PLEKHA7: variants seen among roughly 807,000 people sequenced by gnomAD.
The protein encoded by PLEKHA7 is pleckstrin homology domain-containing family A member 7.
A neutral mutation model predicts 170.0 loss-of-function variants in PLEKHA7; 104 were observed. The ratio of observed to expected loss-of-function variants is 0.61; its 90% confidence interval spans 0.52 to 0.72. PLEKHA7 has a LOEUF of 0.72. PLEKHA7 is among the 30% of genes least tolerant of loss of function. PLEKHA7 has a pLI of 0.00. For synonymous variants in PLEKHA7, 648 were observed against 660.8 expected (o/e 0.98, Z 0.30); for missense variants, 1,615 against 1,671.7 (o/e 0.97, Z 0.59).
At chr11:16,782,969 T>C in intron 25 of PLEKHA7, 73 bp from the exon 26 acceptor site, 1 of 1,472,568 alleles carries the variant, frequency 6.8e-7, no homozygotes, top group Non-Finnish European at 9.1e-7. Flanking sequence ...AGGGTCTCCC[T>C]GGCCTAGAGG....
chr11:16,888,875 TA>T (rs1321840933), intron 3 of PLEKHA7, among the ~76,000 whole-genome samples: 106 of 31,306 alleles, frequency 3.4e-3, no homozygotes, highest in African/African-American at 0.014. Context: ...TTAAAAAAAT[TA>T]AAAAAAACAA....
At chr11:16,856,307 T>C (rs529032264) in intron 4 of PLEKHA7, among the ~76,000 whole-genome samples, 2 of 152,278 alleles carry the variant, frequency 1.3e-5, no homozygotes. Flanking sequence ...CACACCTCCA[T>C]TTCCCTGGCT....
chr11:16,826,338 C>A lies in PLEKHA7; in HGVS notation c.1125G>T (p.Met375Ile), dbSNP rs755377914. The change falls in exon 10 of 27, where the codon ATG becomes ATT. Residue 375 changes from methionine (M) to isoleucine (I), a missense_variant. Physicochemically the swap from Met to Ile is conservative, Grantham distance 10. Transcript: ENST00000531066. The stretch of plus-strand genomic sequence containing the variant: ...GGCCTCTTGGGCCAGTGGGTAAATC[C>A]ATAAACAAGGCATCCTCCTCGGCTG... Reference protein sequence around the residue: ...YSPAEEDALFMDLPTGPRGQQ... With the variant: ...YSPAEEDALFIDLPTGPRGQQ... 9 of 1,614,108 alleles carry A rather than the reference C, an allele frequency of 5.6e-6. No individual in the cohort carries two copies. The highest frequency in any genetic ancestry group is 7.6e-6 in the Non-Finnish European group (9 of 1,180,054).
chr11:16,801,641 G>A (rs768237942), intron 16 of PLEKHA7, 27 bp downstream of exon 16: 1 of 1,613,416 alleles, frequency 6.2e-7, no homozygotes, highest in South Asian at 1.1e-5. Context: ...CGTCCTGAGG[G>A]AGACAGGTCT....
intron 3 of PLEKHA7, among the ~76,000 whole-genome samples, chr11:16,981,477 C>T (rs1352671765): frequency 6.6e-6 from 1 of 152,080 alleles, no homozygotes; most frequent in African/African-American, 2.4e-5. Context: ...TGCTCTTCAC[C>T]CCTCAGTGAT....
rs1386077523 is a variant in PLEKHA7, at chr11:16,803,253, C to A, written c.2050G>T (p.Val684Leu). 6.2e-7 allele frequency: 1 copy of A among 1,614,136 alleles called. No homozygotes were observed. The highest frequency in any genetic ancestry group is 1.1e-5 in the South Asian group (1 of 91,088). Residue 684 changes from valine to leucine, a missense_variant, in exon 14 of 27, where the codon GTG (valine) becomes TTG (leucine). Val to Leu is a conservative substitution (Grantham distance 32). Transcript: ENST00000531066. ...TCAGTGTCGCTCTCAGCGATCTTCA[C>A]AGGCTTCAGACTTCGATCCTTGAGA... is the stretch of plus-strand genomic sequence containing the variant. ...DLLKDRSLKPVKIAESDTDVK... is the reference protein window; with the variant it reads ...DLLKDRSLKPLKIAESDTDVK...
intron 3 of PLEKHA7, among the ~76,000 whole-genome samples, chr11:16,889,412 A>ATATATATAT (rs1459889235): frequency 4.3e-5 from 5 of 115,488 alleles, no homozygotes; most frequent in African/African-American, 1.9e-4. Flanking sequence ...AAAAAAAAAA[A>ATATATATAT]AAAAAAAAAT....
intron 3 of PLEKHA7, among the ~76,000 whole-genome samples, chr11:16,883,842 C>T (rs1855880913): frequency 1.3e-5 from 2 of 152,200 alleles, no homozygotes; most frequent in Non-Finnish European, 2.9e-5. Context: ...TATTTAAGTA[C>T]TGCATGCTAC....
rs1409283099 is a variant in PLEKHA7 at position 16,801,031 on chromosome 11, A to G, written c.2352T>C (p.Asp784=). 4 of 1,614,260 alleles carry G rather than the reference A, an allele frequency of 2.5e-6. No individual in the cohort carries two copies. The highest frequency in any genetic ancestry group is 2.2e-5 in the East Asian group (1 of 44,888). The change falls in exon 17 of 27, where the codon GAT becomes GAC. Residue 784 remains aspartate, a synonymous_variant. Transcript: ENST00000531066. ...GCAGGGTCTGCTTCAGCTGTTCCAC[A>G]TCATTCTCCAACTTCAGGTATTCGT... ...AWNEYLKLEN[D]VEQLKQTLQE...
At chr11:16,807,077 T>C in intron 13 of PLEKHA7, 11 of 778,738 alleles carry the variant, frequency 1.4e-5, no homozygotes, top group Non-Finnish European at 1.7e-5. Flanking sequence ...AAGCAAGTGA[T>C]GAAGTCGGCA....
At chr11:16,961,418 T>C (rs966369912) in intron 3 of PLEKHA7, among the ~76,000 whole-genome samples, 2 of 152,210 alleles carry the variant, frequency 1.3e-5, no homozygotes, top group Non-Finnish European at 2.9e-5. Flanking sequence ...CCCTGGCCTC[T>C]CAAAGGCTAT....
intron 9 of PLEKHA7, among the ~76,000 whole-genome samples, chr11:16,830,486 G>GT (rs1851024152): frequency 6.6e-6 from 1 of 152,170 alleles, no homozygotes; most frequent in African/African-American, 2.4e-5. Flanking sequence ...CCAGGTAATT[G>GT]TATCTCCTTG....
At position 16,791,513 on chromosome 11, in the gene PLEKHA7, G is replaced by A. The variant is rs934266397; in HGVS notation, c.2746-314C>T. ...GGTGCTGTGCTGAACTGCTCCCTCCGCTCATCTGGAGTGCACATCGCAGGC... is the reference window on the plus strand; with the variant it reads ...GGTGCTGTGCTGAACTGCTCCCTCCACTCATCTGGAGTGCACATCGCAGGC... On this transcript the variant is annotated intron_variant, in intron 19 of 26. Coordinates refer to ENST00000531066, the MANE Select transcript of PLEKHA7 (RefSeq NM_001329630.2). The surrounding 1 kb of genome is among the most constrained non-coding windows in gnomAD (Gnocchi z 4.5). 9.0e-6 allele frequency: 5 copies of A among 555,550 alleles called. No individual in the cohort carries two copies. The highest frequency in any genetic ancestry group is 4.3e-5 in the East Asian group (1 of 23,434). The allele number at this position is 555,550 out of a possible 1,614,324, so 34.4% of individuals were successfully genotyped here.
chr11:16,841,826 A>C, intron 8 of PLEKHA7, 104 bp from the exon 9 acceptor site: 1 of 1,148,362 alleles, frequency 8.7e-7, no homozygotes, highest in Non-Finnish European at 1.2e-6. Flanking sequence ...CTAAAAGCCC[A>C]AGCACCACCC....
chr11:17,012,280 T>C (rs1158564716), intron 3 of PLEKHA7, among the ~76,000 whole-genome samples: 1 of 151,146 alleles, frequency 6.6e-6, no homozygotes, highest in Non-Finnish European at 1.5e-5. Context: ...CTTTGCGGCA[T>C]TTACCTTTCT....
chr11:17,006,543 G>A (rs1395166377), intron 3 of PLEKHA7, among the ~76,000 whole-genome samples: 2 of 146,876 alleles, frequency 1.4e-5, no homozygotes, highest in Non-Finnish European at 3.0e-5. Flanking sequence ...TGGAAGAATC[G>A]CTTGAACCCG....
chr11:16,914,836 G>A (rs1038994434), intron 3 of PLEKHA7, among the ~76,000 whole-genome samples: 1 of 152,190 alleles, frequency 6.6e-6, no homozygotes, highest in African/African-American at 2.4e-5. Context: ...AAATCACACA[G>A]ATGGTTAAGT....
Position 16,803,124 on chromosome 11 carries a change from C to CA in PLEKHA7, c.2077-73dup, listed in dbSNP as rs1423726280. ...ACATGACCTTGGGATTGCAATCAGA[C>CA]AGCCTTTGGCTACAGAACCATCCAA... On this transcript the variant is annotated intron_variant, in intron 14 of 26. Transcript: ENST00000531066. 4 of 1,562,446 alleles carry CA rather than the reference C, an allele frequency of 2.6e-6. No homozygotes were observed. In the East Asian group the frequency reaches 9.0e-5, roughly 35 times the overall value.
chr11:16,888,399 GA>G (rs1397399847), intron 3 of PLEKHA7, among the ~76,000 whole-genome samples: 31 of 152,204 alleles, frequency 2.0e-4, no homozygotes, highest in East Asian at 3.8e-4. Context: ...TTGTTGAGTA[GA>G]CGGGGGGGAA....
Sources: allele counts gnomAD v4.1 joint callset (sites outside exome capture counted in the v4.1 genomes callset), GRCh38; gene constraint gnomAD v4.1.1; non-coding constraint Gnocchi (gnomAD v3.1); transcripts MANE v1.5; gene names NCBI Gene and HGNC (gene_info 2026-07-23, HGNC 2026-07-21).